Variants in PRDM10 observed in about 807,000 individuals in gnomAD.
PRDM10 encodes PR/SET domain 10.
A neutral mutation model predicts 133.1 loss-of-function variants in PRDM10; 65 were observed. The ratio of observed to expected loss-of-function variants is 0.49; its 90% CI spans 0.40 to 0.60. The LOEUF is 0.60. Ranked by LOEUF, PRDM10 falls within the 20% of genes least tolerant of loss-of-function variation. The pLI is 0.00. For missense variants in PRDM10, 1,137 were observed against 1,507.1 expected (o/e 0.75, Z 4.07); for synonymous variants, 582 against 580.4 (o/e 1.00, Z -0.04).
In PRDM10 at chr11:129,947,031, T is replaced by C; in HGVS notation, c.520+114A>G. 2 of 1,401,484 alleles carry C rather than the reference T, an allele frequency of 1.4e-6. No individual in the cohort carries two copies. Among genetic ancestry groups the C allele is most frequent in the Non-Finnish European group, 2.0e-6 (2 of 1,024,850 alleles). The allele number at this position is 1,401,484 out of a possible 1,614,324, so 86.8% of individuals were successfully genotyped here. A position where few individuals can be genotyped will look rare whatever the true frequency, so the allele number is the denominator to read the frequency against. ...AAGCAAGCAGAGAATGTAGCACAGTTGGCTGCACACGGAAGGACCTGACGC... is the reference window on the plus strand; with the variant it reads ...AAGCAAGCAGAGAATGTAGCACAGTCGGCTGCACACGGAAGGACCTGACGC... On this transcript the variant is annotated intron_variant, in intron 5 of 20. Coordinates refer to ENST00000360871, the MANE Select transcript of PRDM10 (RefSeq NM_199437.2). The surrounding 1 kb of genome is among the most constrained non-coding windows in gnomAD (Gnocchi z 4.6).
intron 20 of PRDM10, among the ~76,000 whole-genome samples, chr11:129,903,701 C>T (rs570025307): frequency 3.9e-4 from 60 of 152,280 alleles, no homozygotes; most frequent in African/African-American, 1.4e-3. Context: ...AAAGAGCCAT[C>T]GCCAAATACC....
intron 3 of PRDM10, among the ~76,000 whole-genome samples, chr11:129,957,163 T>C (rs1365605475): frequency 3.3e-5 from 5 of 152,240 alleles, no homozygotes; most frequent in Admixed American, 3.3e-4. Flanking sequence ...GAGCCATTTT[T>C]GGCCTGGTTC....
chr11:129,950,549 C>T (rs1193367603), intron 4 of PRDM10, among the ~76,000 whole-genome samples: 10 of 152,204 alleles, frequency 6.6e-5, no homozygotes, highest in Non-Finnish European at 7.3e-5. Flanking sequence ...CCACAGGGAA[C>T]TTCTAGCAGT....
At chr11:130,000,636 A>G (rs959171881) in intron 1 of PRDM10, among the ~76,000 whole-genome samples, 1 of 152,252 alleles carries the variant, frequency 6.6e-6, no homozygotes, top group Non-Finnish European at 1.5e-5. Context: ...TGAAAAAGCA[A>G]AACAATTTTG....
At chr11:129,988,241 G>A (rs1438180934) in intron 1 of PRDM10, among the ~76,000 whole-genome samples, 2 of 152,172 alleles carry the variant, frequency 1.3e-5, no homozygotes, top group Admixed American at 1.3e-4. Flanking sequence ...CAGCTAAATG[G>A]TTCAGGAATT....
chr11:129,960,482 T>C (rs1484635558), intron 2 of PRDM10, among the ~76,000 whole-genome samples: 1 of 152,122 alleles, frequency 6.6e-6, no homozygotes, highest in Non-Finnish European at 1.5e-5. Flanking sequence ...ACTTAGAGGT[T>C]TACATTCTGA....
At chr11:129,987,783 G>A (rs1326529326) in intron 1 of PRDM10, among the ~76,000 whole-genome samples, 5 of 152,152 alleles carry the variant, frequency 3.3e-5, no homozygotes, top group African/African-American at 9.7e-5. Context: ...GGCAGATCAC[G>A]AGGTCAGGAG....
rs186438556 is a variant in PRDM10 at position 129,914,523 on chromosome 11, T to A, written c.2841+181A>T. 1,702 of 840,390 alleles carry A rather than the reference T, an allele frequency of 2.0e-3. 7 individuals are homozygous for A. The highest frequency in any genetic ancestry group is 5.2e-3 in the South Asian group (362 of 69,552). The allele number at this position is 840,390 out of a possible 1,614,324, so 52.1% of individuals were successfully genotyped here. A position where few individuals can be genotyped will look rare whatever the true frequency, so the allele number is the denominator to read the frequency against. On this transcript the variant is annotated intron_variant, in intron 17 of 20. Coordinates refer to ENST00000360871, the MANE Select transcript of PRDM10 (RefSeq NM_199437.2). ...CCTGACTACTATAGACAGAAATCTC[T>A]TACATTGCTAAGGCCAGAGGCCTCA...
chr11:129,941,960 T>G (rs955487496), intron 7 of PRDM10, among the ~76,000 whole-genome samples: 7 of 152,320 alleles, frequency 4.6e-5, no homozygotes, highest in Middle Eastern at 3.4e-3. Flanking sequence ...CTGGACCTCA[T>G]GCTTTCACGT....
intron 1 of PRDM10, among the ~76,000 whole-genome samples, chr11:129,992,023 G>A (rs1012727775): frequency 6.6e-6 from 1 of 152,096 alleles, no homozygotes; most frequent in African/African-American, 2.4e-5. Context: ...ATTTTCTTCC[G>A]CAGGAGACAC....
chr11:129,959,067 G>A (rs571094808), intron 2 of PRDM10, among the ~76,000 whole-genome samples: 2 of 152,158 alleles, frequency 1.3e-5, no homozygotes, highest in Non-Finnish European at 2.9e-5. Context: ...CTCTTAGGGT[G>A]GAATCCTTGC....
rs1276059388 is a variant in PRDM10, at chr11:129,931,915, T to C, written c.1287+187A>G. ...TTAGAGCAGCAAAGTTGGGTTTTTG[T>C]TGTAGGTAACACTTGAAAATACATT... On this transcript the variant is annotated intron_variant, in intron 10 of 20. Transcript: ENST00000360871. Among the ~76,000 whole-genome samples the C allele has an allele frequency of 3.3e-5, 5 of 152,318 alleles. No individual in the cohort carries two copies. In the East Asian group the frequency reaches 9.6e-4, roughly 29 times the overall value.
chr11:129,965,423 G>A (rs1357043968), intron 1 of PRDM10, among the ~76,000 whole-genome samples: 1 of 152,138 alleles, frequency 6.6e-6, no homozygotes, highest in African/African-American at 2.4e-5. Flanking sequence ...CCAGGGGCAG[G>A]AGCCATGTTA....
intron 4 of PRDM10, among the ~76,000 whole-genome samples, chr11:129,952,468 C>T (rs1287544491): frequency 2.0e-5 from 3 of 152,154 alleles, no homozygotes; most frequent in Non-Finnish European, 4.4e-5. Flanking sequence ...TTTTATTATA[C>T]ATGAGGTTTA....
chr11:129,967,942 C>T (rs78313434), intron 1 of PRDM10, among the ~76,000 whole-genome samples: 16 of 152,042 alleles, frequency 1.1e-4, no homozygotes, highest in African/African-American at 2.7e-4. Flanking sequence ...CCAGCCTCCC[C>T]GACAACATCA....
intron 8 of PRDM10, among the ~76,000 whole-genome samples, chr11:129,935,522 G>A (rs903387035): frequency 3.9e-5 from 6 of 152,084 alleles, no homozygotes; most frequent in Non-Finnish European, 2.9e-5. Flanking sequence ...CACATAAGAT[G>A]TTACAAAGAT....
intron 1 of PRDM10, among the ~76,000 whole-genome samples, chr11:129,988,476 C>T (rs1242551936): frequency 1.3e-5 from 2 of 151,962 alleles, no homozygotes; most frequent in African/African-American, 4.8e-5. Flanking sequence ...AAGTGATTCA[C>T]CTGCCTCGGC....
chr11:129,931,728 A>T (rs985361603), intron 10 of PRDM10, among the ~76,000 whole-genome samples: 1 of 151,786 alleles, frequency 6.6e-6, no homozygotes. Context: ...CACTGCACCC[A>T]GCTAATTTTT....
At chr11:129,998,950 G>A (rs1170713835) in intron 1 of PRDM10, among the ~76,000 whole-genome samples, 1 of 151,512 alleles carries the variant, frequency 6.6e-6, no homozygotes, top group Non-Finnish European at 1.5e-5. Context: ...ATCCTCCTGA[G>A]TAGCTGAGAC....
Sources: gnomAD v4.1 joint callset for allele counts (sites outside exome capture counted in the v4.1 genomes callset) on GRCh38, gnomAD v4.1.1 for gene constraint, Gnocchi (gnomAD v3.1) non-coding constraint, MANE v1.5 for transcripts, NCBI Gene and HGNC (gene_info 2026-07-23, HGNC 2026-07-21) for gene names.